CACNG4: variants seen among roughly 807,000 people sequenced by gnomAD.
CACNG4 encodes voltage-dependent calcium channel gamma-4 subunit.
Under a neutral mutation model 22.9 loss-of-function variants are expected in CACNG4, and 8 were observed. That is an observed-to-expected ratio of 0.35 (90% confidence interval 0.21 to 0.63). The LOEUF is 0.63. CACNG4 is among the 30% of genes least tolerant of loss of function. The pLI is 0.72. For synonymous variants in CACNG4, 188 were observed against 191.9 expected, an observed-to-expected ratio of 0.98 and a Z score of 0.17; for missense variants, 357 against 455.4, an observed-to-expected ratio of 0.78 and a Z score of 1.97.
chr17:66,997,963 G>A (rs976044154), intron 1 of CACNG4, among the ~76,000 whole-genome samples: 3 of 152,172 alleles, frequency 2.0e-5, no homozygotes, highest in Non-Finnish European at 4.4e-5. Flanking sequence ...AGACTGGAAA[G>A]GACCAGTCAG....
intron 1 of CACNG4, among the ~76,000 whole-genome samples, chr17:66,998,338 T>C (rs2035387458): frequency 6.6e-6 from 1 of 152,092 alleles, no homozygotes; most frequent in Admixed American, 6.5e-5. Context: ...CCTCCTGCCT[T>C]AGCCTCCTGA....
chr17:67,020,731 G>T (rs375612063), intron 2 of CACNG4, among the ~76,000 whole-genome samples: 1 of 152,204 alleles, frequency 6.6e-6, no homozygotes, highest in Non-Finnish European at 1.5e-5. Flanking sequence ...CCAAGGTCAT[G>T]ATCACCACAG....
At chr17:66,998,282 G>C (rs1371709762) in intron 1 of CACNG4, among the ~76,000 whole-genome samples, 2 of 152,132 alleles carry the variant, frequency 1.3e-5, no homozygotes, top group Non-Finnish European at 2.9e-5. Context: ...AAGTGCAGTG[G>C]TGCAGTCATG....
chr17:67,030,183 A>T lies in CACNG4; in HGVS notation c.446-283A>T, dbSNP rs2035594417. Among the ~76,000 whole-genome samples the T allele has an allele frequency of 6.6e-6, 1 of 151,706 alleles. No homozygotes were observed. Among genetic ancestry groups the T allele is most frequent in the African/African-American group, 2.4e-5 (1 of 41,230 alleles). ...TGTGTGTGTGTGTGTGAAGAGAGAA[A>T]TTTTTTTTCTGGAAGGACATACGAA... On this transcript the variant is annotated intron_variant, in intron 3 of 3. Coordinates refer to ENST00000262138, the MANE Select transcript of CACNG4 (RefSeq NM_014405.4). The surrounding 1 kb of genome is among the most constrained non-coding windows in gnomAD (Gnocchi z 6.4).
intron 1 of CACNG4, among the ~76,000 whole-genome samples, chr17:67,014,474 A>G (rs1366284932): frequency 1.3e-5 from 2 of 152,198 alleles, no homozygotes; most frequent in African/African-American, 4.8e-5. Context: ...ACCCAGTCCC[A>G]TTAACAGAAG....
intron 1 of CACNG4, among the ~76,000 whole-genome samples, chr17:66,996,200 G>A (rs2035373743): frequency 6.6e-6 from 1 of 151,978 alleles, no homozygotes; most frequent in Non-Finnish European, 1.5e-5. Flanking sequence ...CATTCTGATG[G>A]CATTCCTGGG....
chr17:67,032,668 T>A lies in CACNG4; in HGVS notation c.*1664T>A, dbSNP rs2143386832. ...GTCGCCGTGTGCTGGGGATCTGAAA[T>A]GAGGCCTGCCAGGGCCCCTGTGTGC... On this transcript the variant is annotated 3_prime_UTR_variant, in exon 4 of 4. Coordinates refer to ENST00000262138, the MANE Select transcript of CACNG4 (RefSeq NM_014405.4). The A allele has an allele frequency of 6.5e-6, 1 of 154,582 alleles. No individual in the cohort carries two copies. The highest frequency in any genetic ancestry group is 1.9e-4 in the East Asian group (1 of 5,186). The allele number at this position is 154,582 out of a possible 1,614,324, so 9.6% of individuals were successfully genotyped here. A position where few individuals can be genotyped will look rare whatever the true frequency, so the allele number is the denominator to read the frequency against.
chr17:67,029,971 A>G (rs1385703954), intron 3 of CACNG4, among the ~76,000 whole-genome samples: 4 of 152,212 alleles, frequency 2.6e-5, no homozygotes, highest in African/African-American at 4.8e-5. Context: ...GAGGGCAGGG[A>G]GCACCCAGAC....
chr17:67,007,627 ACT>A (rs1369831472), intron 1 of CACNG4, among the ~76,000 whole-genome samples: 3 of 151,208 alleles, frequency 2.0e-5, no homozygotes, highest in Non-Finnish European at 4.4e-5. Flanking sequence ...GAAACTCAGG[ACT>A]CTTTCTAAGC....
At chr17:67,023,565 G>A (rs894764798) in intron 2 of CACNG4, among the ~76,000 whole-genome samples, 13 of 129,210 alleles carry the variant, frequency 1.0e-4, no homozygotes, top group African/African-American at 2.0e-4. Flanking sequence ...GTGAGCCACC[G>A]CGCCCAGCCC....
intron 1 of CACNG4, among the ~76,000 whole-genome samples, chr17:66,993,107 TG>T (rs2035351533): frequency 6.6e-6 from 1 of 151,150 alleles, no homozygotes; most frequent in Non-Finnish European, 1.5e-5. Context: ...TGGCATCCAC[TG>T]GGGCTCAGCC....
intron 1 of CACNG4, among the ~76,000 whole-genome samples, chr17:67,016,882 G>A (rs78986236): frequency 0.015 from 2,354 of 151,988 alleles, 39 homozygotes; most frequent in Middle Eastern, 0.038. Context: ...CCTACATTAC[G>A]AAGCTACCCA....
intron 1 of CACNG4, among the ~76,000 whole-genome samples, chr17:66,993,355 G>A (rs926554449): frequency 6.6e-6 from 1 of 152,240 alleles, no homozygotes; most frequent in Non-Finnish European, 1.5e-5. Flanking sequence ...CATCACTGGT[G>A]CTGGAAGAGG....
intron 1 of CACNG4, among the ~76,000 whole-genome samples, chr17:67,010,967 C>T (rs962361434): frequency 1.3e-5 from 2 of 152,182 alleles, no homozygotes; most frequent in African/African-American, 4.8e-5. Context: ...AGGGCTGTTA[C>T]CTGAGTACAG....
Position 67,030,335 on chromosome 17 carries a change from A to G in CACNG4, c.446-131A>G, listed in dbSNP as rs1033693203. 6.5e-6 allele frequency: 5 copies of G among 771,354 alleles called. No homozygotes were observed. Among genetic ancestry groups the G allele is most frequent in the East Asian group, 2.4e-5 (1 of 40,824 alleles). 47.8% of individuals were successfully genotyped at this position (771,354 alleles called of 1,614,324 possible). A position where few individuals can be genotyped will look rare whatever the true frequency, so the allele number is the denominator to read the frequency against. ...TAATTACTGAAAAGAAAAATTAGCA[A>G]CCAGAATAAAGAAATACTCATCAGA... On this transcript the variant is annotated intron_variant, in intron 3 of 3. Transcript: ENST00000262138. The surrounding 1 kb of genome is among the most constrained non-coding windows in gnomAD (Gnocchi z 6.4).
chr17:66,985,580 T>C (rs3848407), intron 1 of CACNG4, among the ~76,000 whole-genome samples: 83,892 of 152,054 alleles, frequency 0.55, 23,946 homozygotes, highest in African/African-American at 0.7. Context: ...TTGCAGAATG[T>C]GTAAGAGTTC....
At chr17:66,974,571 C>T (rs1349303370) in intron 1 of CACNG4, among the ~76,000 whole-genome samples, 2 of 152,098 alleles carry the variant, frequency 1.3e-5, no homozygotes, top group Non-Finnish European at 2.9e-5. Flanking sequence ...AGGTGCCCAG[C>T]ACATATCTAT....
intron 2 of CACNG4, chr17:67,020,264 G>C (rs1053838331): frequency 6.6e-6 from 1 of 152,420 alleles, no homozygotes; most frequent in African/African-American, 2.4e-5. Flanking sequence ...GCAGGATGGA[G>C]TGAGGATCTG....
intron 1 of CACNG4, among the ~76,000 whole-genome samples, chr17:67,010,984 C>G (rs949894922): frequency 1.3e-5 from 2 of 152,198 alleles, no homozygotes; most frequent in East Asian, 1.9e-4. Context: ...ACAGCTACCC[C>G]CTTTCACAGC....
Sources: gnomAD v4.1 joint callset for allele counts (sites outside exome capture counted in the v4.1 genomes callset) on GRCh38, gnomAD v4.1.1 for gene constraint, Gnocchi (gnomAD v3.1) non-coding constraint, MANE v1.5 for transcripts, NCBI Gene and HGNC (gene_info 2026-07-23, HGNC 2026-07-21) for gene names.